FBXW10B: variants seen among roughly 807,000 people sequenced by gnomAD.
The protein encoded by FBXW10B is F-box and WD repeat domain containing 10B.
the FBXW10B span, among the ~76,000 whole-genome samples, chr17:15,589,736 G>A: frequency 3.3e-5 from 5 of 151,910 alleles, no homozygotes; most frequent in Non-Finnish European, 1.5e-5. Context: ...TAGGAAGGAA[G>A]TGGTGAGGTT....
At chr17:15,597,463 TAA>T in the FBXW10B span, among the ~76,000 whole-genome samples, 22 of 121,228 alleles carry the variant, frequency 1.8e-4, no homozygotes, top group Non-Finnish European at 1.2e-4. Flanking sequence ...CCGTCTCTAC[TAA>T]AAAAAAAAAA....
the FBXW10B span, chr17:15,619,475 T>C: frequency 2.5e-6 from 4 of 1,613,450 alleles, no homozygotes; most frequent in Non-Finnish European, 3.4e-6. Context: ...ACAACGAAAA[T>C]AGGGGGCATT....
chr17:15,567,610 C>T, the FBXW10B span, among the ~76,000 whole-genome samples: 1 of 152,118 alleles, frequency 6.6e-6, no homozygotes, highest in Non-Finnish European at 1.5e-5. Context: ...AGGAGGATTG[C>T]TTGAGCCCTG....
chr17:15,573,197 G>C, the FBXW10B span: 2 of 152,184 alleles, frequency 1.3e-5, no homozygotes, highest in African/African-American at 2.4e-5. Context: ...GGTGACATTA[G>C]AATGTAATCC....
the FBXW10B span, among the ~76,000 whole-genome samples, chr17:15,593,994 T>A: frequency 3.9e-5 from 6 of 152,302 alleles, no homozygotes; most frequent in Non-Finnish European, 8.8e-5. Flanking sequence ...CTTCCCATTC[T>A]GCAGCTACTT....
chr17:15,606,421 G>C, the FBXW10B span, among the ~76,000 whole-genome samples: 1 of 148,012 alleles, frequency 6.8e-6, no homozygotes, highest in Non-Finnish European at 1.5e-5. Flanking sequence ...CAGCTACTTA[G>C]GAGACTGAGG....
the FBXW10B span, chr17:15,605,524 G>A: frequency 7.3e-7 from 1 of 1,377,944 alleles, no homozygotes; most frequent in Non-Finnish European, 9.7e-7. Flanking sequence ...TGGTGTAAAG[G>A]AAAATCCAGG....
At chr17:15,618,571 C>T in the FBXW10B span, among the ~76,000 whole-genome samples, 1 of 146,768 alleles carries the variant, frequency 6.8e-6, no homozygotes, top group African/African-American at 2.6e-5. Flanking sequence ...AAAAAAAAAG[C>T]CCTAAGTTTT....
chr17:15,595,497 C>G, the FBXW10B span, among the ~76,000 whole-genome samples: 5 of 152,170 alleles, frequency 3.3e-5, no homozygotes, highest in Admixed American at 3.3e-4. Flanking sequence ...ACACTACCTT[C>G]TTGGAGCACT....
chr17:15,601,908 C>T, the FBXW10B span, among the ~76,000 whole-genome samples: 5 of 152,116 alleles, frequency 3.3e-5, no homozygotes, highest in South Asian at 4.1e-4. Flanking sequence ...GTCAGGAGAT[C>T]GAGACCATCC....
the FBXW10B span, among the ~76,000 whole-genome samples, chr17:15,575,255 C>T: frequency 6.8e-6 from 1 of 146,068 alleles, no homozygotes; most frequent in African/African-American, 2.8e-5. Flanking sequence ...CTTGGGACCC[C>T]TTTTCTATCT....
chr17:15,600,787 T>C, the FBXW10B span, among the ~76,000 whole-genome samples: 1 of 152,106 alleles, frequency 6.6e-6, no homozygotes, highest in African/African-American at 2.4e-5. Flanking sequence ...CGGTGGCTCA[T>C]GCCTGTAATT....
At chr17:15,569,728 C>T in the FBXW10B span, among the ~76,000 whole-genome samples, 2 of 151,882 alleles carry the variant, frequency 1.3e-5, no homozygotes, top group Admixed American at 6.6e-5. Context: ...AGCCAACACA[C>T]CCAGCTAATT....
At chr17:15,598,992 T>G in the FBXW10B span, among the ~76,000 whole-genome samples, 1 of 151,912 alleles carries the variant, frequency 6.6e-6, no homozygotes, top group Admixed American at 6.6e-5. Flanking sequence ...CTGGCCAACA[T>G]GGTGAAATCC....
chr17:15,588,320 C>T, the FBXW10B span: 1 of 169,688 alleles, frequency 5.9e-6, no homozygotes, highest in Non-Finnish European at 1.3e-5. Flanking sequence ...CATTGCTACT[C>T]ATGATCACTA....
At chr17:15,612,705 G>A in the FBXW10B span, 341 of 1,613,884 alleles carry the variant, frequency 2.1e-4, no homozygotes, top group Non-Finnish European at 1.8e-4. Context: ...ACCCACCTTC[G>A]TTCTCAACTT....
At chr17:15,608,935 G>A in the FBXW10B span, among the ~76,000 whole-genome samples, 26,732 of 151,364 alleles carry the variant, frequency 0.18, 2,549 homozygotes, top group East Asian at 0.29. Flanking sequence ...TTGCTTCCCA[G>A]TCTTTCTTTA....
At chr17:15,612,892 G>C in the FBXW10B span, 1 of 1,562,788 alleles carries the variant, frequency 6.4e-7, no homozygotes, top group Non-Finnish European at 8.6e-7. Context: ...CTCTGCAGGA[G>C]GAAGGGAAAA....
chr17:15,568,308 A>G, the FBXW10B span, among the ~76,000 whole-genome samples: 7 of 151,974 alleles, frequency 4.6e-5, no homozygotes, highest in African/African-American at 1.7e-4. Context: ...ACTAAGGCAC[A>G]CTTCTGTGTC....
Sources: allele counts gnomAD v4.1 joint callset (sites outside exome capture counted in the v4.1 genomes callset), GRCh38; gene constraint gnomAD v4.1.1; transcripts MANE v1.5; gene names NCBI Gene and HGNC (gene_info 2026-07-23, HGNC 2026-07-21).